Variants in AOPEP observed in about 807,000 individuals in gnomAD.
AOPEP encodes the protein aminopeptidase O.
In AOPEP, 77 loss-of-function variants were observed where a neutral mutation model predicts 98.1. The observed-to-expected ratio is 0.78, with a 90% CI of 0.65 to 0.95. The LOEUF is 0.95. AOPEP is among the 40% of genes least tolerant of loss of function. The pLI is 0.00. For missense variants in AOPEP, 1,024 were observed against 1,024.7 expected (o/e 1.00, Z 0.01); for synonymous variants, 346 against 365.3 (o/e 0.95, Z 0.60).
the AOPEP span, chr9:95,123,418 T>A: frequency 1.5e-5 from 7 of 455,022 alleles, no homozygotes; most frequent in African/African-American, 1.2e-4. Context: ...GGTGGGAAGA[T>A]TGCTTGAGCC....
chr9:94,828,156 T>C (rs967942202), intron 5 of AOPEP, among the ~76,000 whole-genome samples: 7 of 152,234 alleles, frequency 4.6e-5, no homozygotes, highest in Non-Finnish European at 8.8e-5. Flanking sequence ...TCTCCCACCC[T>C]GTGGGCTGGC....
rs376067728 is a variant in AOPEP, at chr9:94,903,085, C to T, written c.1365-20901C>T. Among the ~76,000 whole-genome samples, 3 of 151,146 alleles carry T rather than the reference C, an allele frequency of 2.0e-5. No homozygotes were observed. The East Asian group carries it at 6.0e-4, about 30-fold the overall frequency. On this transcript the variant is annotated intron_variant, in intron 5 of 16. Transcript: ENST00000375315. ...AACCTCTGCCCCCCGGGTTCAAGCA[C>T]TTCTCCTGCCTCAGCCTCCCGAGTA...
chr9:94,932,042 G>C, intron 7 of AOPEP: 1 of 1,160,266 alleles, frequency 8.6e-7, no homozygotes, highest in Non-Finnish European at 1.1e-6. Flanking sequence ...ATAAAGAAGA[G>C]AACAGGGATT....
rs148041291 is a variant in AOPEP at position 94,993,280 on chromosome 9, C to T, written c.1978-11878C>T. Reference sequence around the variant, plus strand: ...GAGACATAGAGATAAAATATTTATGCCCGTTGCCTAAATAACCTTGGGGGA... The same window carrying T: ...GAGACATAGAGATAAAATATTTATGTCCGTTGCCTAAATAACCTTGGGGGA... On this transcript the variant is annotated intron_variant, in intron 11 of 16. Coordinates refer to ENST00000375315, the MANE Select transcript of AOPEP (RefSeq NM_001193329.3). Among the ~76,000 whole-genome samples, 1,097 of 152,172 alleles carry T rather than the reference C, an allele frequency of 7.2e-3. 18 individuals are homozygous for T. Among genetic ancestry groups the T allele is most frequent in the African/African-American group, 0.025 (1,044 of 41,512 alleles).
chr9:94,741,433 T>G (rs551893284), intron 1 of AOPEP, among the ~76,000 whole-genome samples: 1 of 151,958 alleles, frequency 6.6e-6, no homozygotes, highest in Non-Finnish European at 1.5e-5. Context: ...CCACCATGCC[T>G]GGCTAATTTT....
At chr9:95,040,905 C>T (rs888758010) in intron 13 of AOPEP, among the ~76,000 whole-genome samples, 2 of 58,042 alleles carry the variant, frequency 3.4e-5, no homozygotes, top group African/African-American at 1.2e-4. Flanking sequence ...TGATAGAAAA[C>T]ACGGTAAACA....
intron 5 of AOPEP, among the ~76,000 whole-genome samples, chr9:94,852,104 A>G (rs2043625272): frequency 6.6e-6 from 1 of 152,144 alleles, no homozygotes; most frequent in South Asian, 2.1e-4. Context: ...CGTAGACATG[A>G]TAATTTGAGC....
chr9:95,027,454 C>G (rs967282265), intron 13 of AOPEP, among the ~76,000 whole-genome samples: 1 of 152,008 alleles, frequency 6.6e-6, no homozygotes, highest in African/African-American at 2.4e-5. Flanking sequence ...GTGATATTGT[C>G]TAAATTAAAT....
chr9:95,110,801 A>G, the AOPEP span: 1 of 1,126,702 alleles, frequency 8.9e-7, no homozygotes, highest in Non-Finnish European at 1.1e-6. Flanking sequence ...GGGAGGTGCC[A>G]ATGCCTTTAA....
chr9:95,128,692 G>A, the AOPEP span, among the ~76,000 whole-genome samples: 1 of 152,162 alleles, frequency 6.6e-6, no homozygotes, highest in South Asian at 2.1e-4. Context: ...TCAATCCAAT[G>A]TTTTAAATGC....
At chr9:95,107,220 C>T in the AOPEP span, 3 of 1,614,158 alleles carry the variant, frequency 1.9e-6, no homozygotes, top group South Asian at 3.3e-5. Context: ...TGAGAGGCTG[C>T]TGCTTCTGGA....
At chr9:94,994,248 T>G (rs2061080211) in intron 11 of AOPEP, among the ~76,000 whole-genome samples, 1 of 152,222 alleles carries the variant, frequency 6.6e-6, no homozygotes, top group African/African-American at 2.4e-5. Flanking sequence ...TCTAGTCAAT[T>G]AAGCTGCAAA....
intron 11 of AOPEP, among the ~76,000 whole-genome samples, chr9:94,991,525 C>T (rs2060892287): frequency 6.6e-6 from 1 of 152,212 alleles, no homozygotes; most frequent in African/African-American, 2.4e-5. Context: ...GATTCTAAGT[C>T]TTCAGCCCAT....
the AOPEP span, among the ~76,000 whole-genome samples, chr9:95,143,177 A>T: frequency 3.3e-5 from 5 of 152,244 alleles, no homozygotes; most frequent in African/African-American, 1.2e-4. Context: ...ATTCAGGAAC[A>T]GCCACATGGA....
the AOPEP span, among the ~76,000 whole-genome samples, chr9:95,130,605 T>C: frequency 6.6e-6 from 1 of 152,226 alleles, no homozygotes; most frequent in Non-Finnish European, 1.5e-5. Context: ...AAATATTTAC[T>C]TAGGAAATGG....
At chr9:94,996,248 ATGTT>A (rs769145458) in intron 11 of AOPEP, among the ~76,000 whole-genome samples, 3 of 152,016 alleles carry the variant, frequency 2.0e-5, no homozygotes, top group Non-Finnish European at 4.4e-5. Context: ...ATGGCACTGA[ATGTT>A]TGGTGAACAA....
At chr9:94,940,196 T>A (rs907056557) in intron 7 of AOPEP, among the ~76,000 whole-genome samples, 20 of 152,232 alleles carry the variant, frequency 1.3e-4, no homozygotes, top group Non-Finnish European at 7.3e-5. Flanking sequence ...ATTAACACAA[T>A]AGTTTCTACC....
At chr9:94,881,639 T>C (rs1221590773) in intron 5 of AOPEP, among the ~76,000 whole-genome samples, 2 of 152,198 alleles carry the variant, frequency 1.3e-5, no homozygotes, top group Non-Finnish European at 2.9e-5. Flanking sequence ...CTGCTAAGTT[T>C]GGGACAGAGT....
chr9:94,747,114 A>C (rs1331953366), intron 1 of AOPEP, among the ~76,000 whole-genome samples: 1 of 151,266 alleles, frequency 6.6e-6, no homozygotes, highest in African/African-American at 2.4e-5. Flanking sequence ...ATATGCAGTC[A>C]CTCTTACGTG....
Sources: gnomAD v4.1 joint callset for allele counts (sites outside exome capture counted in the v4.1 genomes callset) on GRCh38, gnomAD v4.1.1 for gene constraint, MANE v1.5 for transcripts, NCBI Gene and HGNC (gene_info 2026-07-23, HGNC 2026-07-21) for gene names.